Variants in RANBP2 observed in about 807,000 individuals in gnomAD.
RANBP2 encodes RAN binding protein 2, also known as E3 SUMO-protein ligase RanBP2.
A neutral mutation model predicts 303.6 loss-of-function variants in RANBP2; 57 were observed. That is an observed-to-expected ratio of 0.19 (90% confidence interval 0.15 to 0.23). RANBP2 has a LOEUF of 0.23. Among genes scored for constraint, RANBP2 ranks in the 10% least tolerant of loss-of-function variants. The pLI is 1.00. For missense variants in RANBP2, 3,138 were observed against 3,780.8 expected, an observed-to-expected ratio of 0.83 and a Z score of 4.46; for synonymous variants, 1,167 against 1,301.5, an observed-to-expected ratio of 0.90 and a Z score of 2.23.
chr2:108,765,897 T>C lies in RANBP2; in HGVS notation c.5358T>C (p.Asp1786=), dbSNP rs1677082626. The change falls in exon 20 of 29, where the codon GAT becomes GAC. Residue 1786 remains aspartate (D), a synonymous_variant. Transcript: ENST00000283195. ...EGMFIRKGQW[D]CSVCCVQNES... is the part of the protein sequence containing the mutation. The stretch of plus-strand genomic sequence containing the variant: ...TGTTCATCAGGAAAGGACAGTGGGA[T>C]TGTAGTGTTTGCTGTGTACAAAATG... The C allele has an allele frequency of 6.2e-7, 1 of 1,614,116 alleles. No homozygotes were observed. The highest frequency in any genetic ancestry group is 8.5e-7 in the Non-Finnish European group (1 of 1,179,986).
chr2:108,823,961 A>G, the RANBP2 span, among the ~76,000 whole-genome samples: 16 of 150,316 alleles, frequency 1.1e-4, no homozygotes, highest in African/African-American at 3.2e-4. Flanking sequence ...TGGGCCACAG[A>G]GTGAGACTGT....
the RANBP2 span, among the ~76,000 whole-genome samples, chr2:109,498,254 C>T: frequency 6.6e-6 from 1 of 152,210 alleles, no homozygotes; most frequent in African/African-American, 2.4e-5. Flanking sequence ...CTCTGAGACA[C>T]TTAGAGTTGG....
chr2:109,629,231 TA>T, the RANBP2 span, among the ~76,000 whole-genome samples: 4 of 113,996 alleles, frequency 3.5e-5, no homozygotes, highest in East Asian at 3.9e-4. Context: ...AATAAATAAA[TA>T]AATAAAATGC....
At chr2:109,651,404 T>A in the RANBP2 span, among the ~76,000 whole-genome samples, 1 of 152,174 alleles carries the variant, frequency 6.6e-6, no homozygotes, top group Non-Finnish European at 1.5e-5. Context: ...CTACTCCTGC[T>A]GCATTGCTCT....
chr2:108,962,445 T>C, the RANBP2 span, among the ~76,000 whole-genome samples: 1 of 151,776 alleles, frequency 6.6e-6, no homozygotes, highest in African/African-American at 2.4e-5. Context: ...AGGCCGAGGC[T>C]GGTGGATCAT....
At chr2:108,889,821 T>C in the RANBP2 span, among the ~76,000 whole-genome samples, 1 of 152,222 alleles carries the variant, frequency 6.6e-6, no homozygotes, top group South Asian at 2.1e-4. Flanking sequence ...TTGTCTTTTC[T>C]GGTTGTTTCA....
the RANBP2 span, chr2:109,251,437 C>T: frequency 8.4e-6 from 6 of 714,528 alleles, no homozygotes; most frequent in African/African-American, 8.7e-5. Flanking sequence ...CAAAGCTCAC[C>T]CTCCCGAGTT....
the RANBP2 span, among the ~76,000 whole-genome samples, chr2:109,748,704 C>T: frequency 6.7e-6 from 1 of 150,002 alleles, no homozygotes; most frequent in Admixed American, 6.6e-5. Flanking sequence ...AAAACCCCAT[C>T]TCTACGAAAA....
the RANBP2 span, among the ~76,000 whole-genome samples, chr2:109,683,542 C>T: frequency 1.3e-5 from 2 of 152,246 alleles, no homozygotes; most frequent in East Asian, 3.9e-4. Flanking sequence ...ATACGACTTC[C>T]AATACATGGG....
rs775801728 is a variant in RANBP2 at position 108,767,981 on chromosome 2, A to T, written c.7442A>T (p.Asp2481Val). 1.2e-6 allele frequency: 2 copies of T among 1,611,958 alleles called. No individual in the cohort carries two copies. The highest frequency in any genetic ancestry group is 1.7e-6 in the Non-Finnish European group (2 of 1,179,856). ...GAAGAAACCACAAGAGAGAGGACAG[A>T]TGTTATTCAGGGTGATGATGTAGCA... ...VLEETTRERT[D>V]VIQGDDVADA... The change falls in exon 20 of 29, where the codon GAT becomes GTT. Residue 2481 changes from aspartate (D) to valine (V), a missense_variant. Coordinates refer to ENST00000283195, the MANE Select transcript of RANBP2 (RefSeq NM_006267.5).
the RANBP2 span, among the ~76,000 whole-genome samples, chr2:109,483,311 T>A: frequency 6.6e-6 from 1 of 152,382 alleles, no homozygotes; most frequent in African/African-American, 2.4e-5. Context: ...TTCTTCTGAA[T>A]ATCTAAAGTT....
the RANBP2 span, among the ~76,000 whole-genome samples, chr2:108,836,477 ATCCTT>A: frequency 6.6e-6 from 1 of 152,218 alleles, no homozygotes; most frequent in African/African-American, 2.4e-5. Flanking sequence ...ACTTGCAAAT[ATCCTT>A]TCAAGACCCT....
At chr2:109,545,502 T>C in the RANBP2 span, 2 of 1,536,176 alleles carry the variant, frequency 1.3e-6, no homozygotes, top group African/African-American at 2.7e-5. Flanking sequence ...TCACAAGCTC[T>C]GACATCAATG....
At chr2:109,596,413 C>T in the RANBP2 span, among the ~76,000 whole-genome samples, 13 of 151,994 alleles carry the variant, frequency 8.6e-5, no homozygotes, top group East Asian at 2.5e-3. Context: ...GTCAGGAGAT[C>T]AAGACCATCC....
the RANBP2 span, among the ~76,000 whole-genome samples, chr2:109,150,526 C>T: frequency 6.6e-6 from 1 of 152,170 alleles, no homozygotes; most frequent in African/African-American, 2.4e-5. Flanking sequence ...GTCTGTTTAA[C>T]CACACAGTGG....
the RANBP2 span, among the ~76,000 whole-genome samples, chr2:108,856,581 A>C: frequency 1.3e-5 from 2 of 152,180 alleles, no homozygotes; most frequent in African/African-American, 4.8e-5. Flanking sequence ...GAAAATTCTA[A>C]ATGAAATTTA....
At chr2:109,551,821 GA>G in the RANBP2 span, among the ~76,000 whole-genome samples, 1 of 152,142 alleles carries the variant, frequency 6.6e-6, no homozygotes, top group Non-Finnish European at 1.5e-5. Flanking sequence ...GTATTTTCAA[GA>G]AAATAGCTTT....
the RANBP2 span, among the ~76,000 whole-genome samples, chr2:109,395,974 G>T: frequency 9.2e-5 from 14 of 152,244 alleles, no homozygotes; most frequent in Admixed American, 5.2e-4. Context: ...GGAATCATTT[G>T]AGCCCAGCCT....
chr2:109,716,157 T>C, the RANBP2 span, among the ~76,000 whole-genome samples: 1 of 152,078 alleles, frequency 6.6e-6, no homozygotes, highest in South Asian at 2.1e-4. Flanking sequence ...AGGGAGTAGG[T>C]AGGGGAATAG....
Sources: gnomAD v4.1 joint callset for allele counts (sites outside exome capture counted in the v4.1 genomes callset) on GRCh38, gnomAD v4.1.1 for gene constraint, MANE v1.5 for transcripts, NCBI Gene and HGNC (gene_info 2026-07-23, HGNC 2026-07-21) for gene names.